Variants in MLIP observed in about 807,000 individuals in gnomAD.
MLIP encodes the protein muscular LMNA interacting protein.
A neutral mutation model predicts 84.8 loss-of-function variants in MLIP; 79 were observed. The ratio of observed to expected loss-of-function variants is 0.93; its 90% CI spans 0.78 to 1.12. MLIP has a LOEUF of 1.12. MLIP is among the 50% of genes most tolerant of loss of function. The pLI is 0.00. For missense variants in MLIP, 1,257 were observed against 1,160.6 expected (o/e 1.08, Z -1.21); for synonymous variants, 504 against 463.0 (o/e 1.09, Z -1.14).
chr6:54,240,932 C>T (rs1047313719), intron 12 of MLIP, among the ~76,000 whole-genome samples: 14 of 151,932 alleles, frequency 9.2e-5, no homozygotes, highest in Non-Finnish European at 1.9e-4. Context: ...GCCCAAATCG[C>T]GCCACTGCAC....
intron 11 of MLIP, among the ~76,000 whole-genome samples, chr6:54,211,391 T>C (rs942040268): frequency 1.3e-5 from 2 of 152,308 alleles, no homozygotes; most frequent in South Asian, 4.1e-4. Context: ...TTGCATGCGG[T>C]TGAAGACTGG....
At chr6:54,155,107 A>G (rs1773879937) in intron 5 of MLIP, among the ~76,000 whole-genome samples, 1 of 152,134 alleles carries the variant, frequency 6.6e-6, no homozygotes, top group Non-Finnish European at 1.5e-5. Flanking sequence ...GATATTTTTA[A>G]ACCAATCATG....
At chr6:54,019,594 TG>T (rs1763386516) in intron 1 of MLIP, among the ~76,000 whole-genome samples, 1 of 152,228 alleles carries the variant, frequency 6.6e-6, no homozygotes, top group African/African-American at 2.4e-5. Context: ...AGCAATTAAA[TG>T]TCAATGATTA....
chr6:54,234,960 G>C (rs1405745999), intron 12 of MLIP, among the ~76,000 whole-genome samples: 1 of 152,090 alleles, frequency 6.6e-6, no homozygotes, highest in Non-Finnish European at 1.5e-5. Flanking sequence ...TCTCCACTGA[G>C]ATTCAGTTTC....
In MLIP at chr6:54,185,885, C is replaced by A. The variant is rs1777342241; in HGVS notation, c.2545-3985C>A. 3.9e-5 allele frequency among the ~76,000 whole-genome samples: 6 copies of A among 152,198 alleles called. No homozygotes were observed. The South Asian group carries it at 1.0e-3, about 26-fold the overall frequency. On this transcript the variant is annotated intron_variant, in intron 9 of 13. Coordinates refer to ENST00000502396, the MANE Select transcript of MLIP (RefSeq NM_001281747.2). ...GAAAACTTAGGTGAACTGACAAAAACACCATGATGGATATTCTGAAGGGTA... is the reference window on the plus strand; with the variant it reads ...GAAAACTTAGGTGAACTGACAAAAAAACCATGATGGATATTCTGAAGGGTA...
intron 1 of MLIP, among the ~76,000 whole-genome samples, chr6:54,096,939 C>G (rs1399094528): frequency 2.0e-5 from 3 of 152,122 alleles, no homozygotes; most frequent in Non-Finnish European, 4.4e-5. Context: ...CCTGGTAGAT[C>G]TGAACTCCTG....
chr6:54,154,513 T>C (rs949122305), intron 5 of MLIP, among the ~76,000 whole-genome samples: 1 of 152,154 alleles, frequency 6.6e-6, no homozygotes. Flanking sequence ...TGTGAAGAAT[T>C]TGATGCTCAA....
rs576124210 is a variant in MLIP at position 54,185,350 on chromosome 6, TTCTC to T, written c.2545-4518_2545-4515del. Among the ~76,000 whole-genome samples the T allele has an allele frequency of 1.6e-4, 24 of 152,318 alleles. No homozygotes were observed. In the East Asian group the frequency reaches 4.4e-3, roughly 28 times the overall value. On this transcript the variant is annotated intron_variant, in intron 9 of 13. Transcript: ENST00000502396. The stretch of plus-strand genomic sequence containing the variant: ...TGTGGTTTACATTTAATTTTGCACT[TTCTC>T]TGGGAAGTTTCTGATAGCAGTGATA...
At chr6:54,027,158 T>A (rs879460005) in intron 1 of MLIP, among the ~76,000 whole-genome samples, 10 of 152,176 alleles carry the variant, frequency 6.6e-5, no homozygotes, top group Admixed American at 1.3e-4. Flanking sequence ...CACAGTTCAG[T>A]ACTGATCAAT....
chr6:54,215,411 T>C (rs1216476828), intron 11 of MLIP: 26 of 1,235,020 alleles, frequency 2.1e-5, no homozygotes, highest in Non-Finnish European at 2.7e-5. Flanking sequence ...TACTAATAAG[T>C]ATTTGTGATT....
At chr6:54,064,238 G>A (rs1305997833) in intron 1 of MLIP, among the ~76,000 whole-genome samples, 13 of 100,112 alleles carry the variant, frequency 1.3e-4, no homozygotes, top group African/African-American at 3.3e-4. Context: ...GTCACCTAGG[G>A]CATGTGATTA....
At chr6:54,262,552 G>A (rs868718071) in intron 13 of MLIP, among the ~76,000 whole-genome samples, 18 of 151,944 alleles carry the variant, frequency 1.2e-4, no homozygotes, top group Admixed American at 4.6e-4. Context: ...ACATGGGGTC[G>A]TTTCATAACT....
Position 54,232,523 on chromosome 6 carries a change from GTAA to G in MLIP, c.2922+1616_2922+1618del, listed in dbSNP as rs1199217503. ...ACCATTCATAACCAAAATAATAATA[GTAA>G]TAATAATAAGATAGTAATACAACAT... On this transcript the variant is annotated intron_variant, in intron 12 of 13. Transcript: ENST00000502396. Among the ~76,000 whole-genome samples the G allele has an allele frequency of 3.9e-5, 6 of 152,186 alleles. No individual in the cohort carries two copies. In the South Asian group the frequency reaches 6.2e-4, roughly 16 times the overall value.
intron 10 of MLIP, among the ~76,000 whole-genome samples, chr6:54,193,915 C>T (rs748646144): frequency 1.3e-5 from 2 of 152,032 alleles, no homozygotes; most frequent in Non-Finnish European, 2.9e-5. Context: ...GTTAGGCACC[C>T]CAAGGTAGCT....
chr6:54,216,497 T>C (rs1005993527), intron 11 of MLIP: 66 of 985,332 alleles, frequency 6.7e-5, no homozygotes, highest in Non-Finnish European at 7.8e-5. Flanking sequence ...GATACTTCCA[T>C]GCTGATCCAT....
chr6:54,223,385 A>G lies in MLIP; in HGVS notation c.2719-7329A>G, dbSNP rs548663419. Among the ~76,000 whole-genome samples the G allele has an allele frequency of 6.6e-5, 10 of 152,034 alleles. No homozygotes were observed. In the South Asian group the frequency reaches 1.9e-3, roughly 28 times the overall value. ...GCTTCTAGTAGTTATACAGTTTTGA[A>G]TCTTATGTTTATGTGTTTAATCCAT... On this transcript the variant is annotated intron_variant, in intron 11 of 13. Transcript: ENST00000502396.
intron 3 of MLIP, among the ~76,000 whole-genome samples, chr6:54,131,362 C>T (rs74641512): frequency 0.084 from 12,779 of 152,098 alleles, 698 homozygotes; most frequent in East Asian, 0.22. Flanking sequence ...GTCTCTAATT[C>T]CAAAGACCTT....
chr6:54,197,052 G>T (rs545376347), intron 10 of MLIP, among the ~76,000 whole-genome samples: 17 of 152,150 alleles, frequency 1.1e-4, no homozygotes, highest in African/African-American at 3.9e-4. Flanking sequence ...GTGTAAGCTA[G>T]AGTAGAAACA....
intron 1 of MLIP, chr6:54,059,017 CA>C (rs1312109059): frequency 1.3e-5 from 2 of 152,146 alleles, no homozygotes; most frequent in African/African-American, 4.8e-5. Flanking sequence ...GTAAATTCTA[CA>C]AGTCTATAAG....
Sources: allele counts gnomAD v4.1 joint callset (sites outside exome capture counted in the v4.1 genomes callset), GRCh38; gene constraint gnomAD v4.1.1; transcripts MANE v1.5; gene names NCBI Gene and HGNC (gene_info 2026-07-23, HGNC 2026-07-21).